PAX8: variants seen among roughly 807,000 people sequenced by gnomAD.
The protein encoded by PAX8 is paired box 8.
Under a neutral mutation model 52.4 loss-of-function variants are expected in PAX8, and 15 were observed. The observed-to-expected ratio is 0.29, with a 90% confidence interval of 0.19 to 0.44. PAX8 has a LOEUF of 0.44. PAX8 is among the 20% of genes least tolerant of loss of function. PAX8 has a pLI of 1.00. For missense variants in PAX8, 554 were observed against 602.5 expected (o/e 0.92, Z 0.84); for synonymous variants, 284 against 249.7 (o/e 1.14, Z -1.29).
At chr2:113,235,007 T>A (rs1380465692) in intron 9 of PAX8, among the ~76,000 whole-genome samples, 1 of 152,262 alleles carries the variant, frequency 6.6e-6, no homozygotes, top group Non-Finnish European at 1.5e-5. Flanking sequence ...ACCCTTGGCC[T>A]TTTTAGAAAT....
At position 113,220,108 on chromosome 2, in the gene PAX8, G is replaced by A. The variant is rs1162396070; in HGVS notation, c.1260C>T (p.Pro420=). ...GGGACTTACTCAGCAAGCTGGAGTT[G>A]GGGAAGCGCCAGGCCTCGCTGTAGG... ...YSSYSEAWRF[P]NSSLLSSPYY... is the part of the protein sequence containing the mutation. The change falls in exon 11 of 12, where the codon CCC becomes CCT. Residue 420 remains proline, a synonymous_variant. Coordinates refer to ENST00000429538, the MANE Select transcript of PAX8 (RefSeq NM_003466.4). 6.2e-7 allele frequency: 1 copy of A among 1,613,582 alleles called. No individual in the cohort carries two copies. The highest frequency in any genetic ancestry group is 1.1e-5 in the South Asian group (1 of 91,038).
rs370104682 is a variant in PAX8 at position 113,236,611 on chromosome 2, G to C, written c.888C>G (p.Pro296=). The C allele has an allele frequency of 2.5e-6, 4 of 1,582,592 alleles. No individual in the cohort carries two copies. The highest frequency in any genetic ancestry group is 3.4e-6 in the Non-Finnish European group (4 of 1,165,266). The change falls in exon 8 of 12, where the codon CCC becomes CCG. Residue 296 remains proline (P), a synonymous_variant. Coordinates refer to ENST00000429538, the MANE Select transcript of PAX8 (RefSeq NM_003466.4). Reference sequence around the variant, plus strand: ...CTCCGGGCGTTGTACCTGCCACCACGGGGTAGGTCTGGTGAGTCGAGAGGT... The same window carrying C: ...CTCCGGGCGTTGTACCTGCCACCACCGGGTAGGTCTGGTGAGTCGAGAGGT... The part of the protein sequence containing the change: ...GRNLSTHQTY[P]VVADPHSPFA...
At chr2:113,243,482 C>A (rs542929045) in intron 4 of PAX8, among the ~76,000 whole-genome samples, 80 of 152,250 alleles carry the variant, frequency 5.3e-4, no homozygotes, top group African/African-American at 1.8e-3. Flanking sequence ...ACCTCTGCCT[C>A]CCATGTTCAA....
chr2:113,255,148 A>G (rs543808263), intron 2 of PAX8, among the ~76,000 whole-genome samples: 18 of 136,942 alleles, frequency 1.3e-4, no homozygotes, highest in South Asian at 2.5e-4. Context: ...AAGGAAGGAA[A>G]GAAGGAAGGA....
chr2:113,233,456 C>T (rs914819492), intron 9 of PAX8, among the ~76,000 whole-genome samples: 3 of 151,862 alleles, frequency 2.0e-5, no homozygotes, highest in East Asian at 1.9e-4. Flanking sequence ...CCAAGGTGGG[C>T]GGACCAAGGT....
In PAX8 at chr2:113,278,855, A is replaced by G. The variant is rs976480465; in HGVS notation, c.-100T>C. The G allele has an allele frequency of 2.8e-6, 3 of 1,063,162 alleles. No homozygotes were observed. In the African/African-American group the frequency reaches 5.0e-5, roughly 18 times the overall value. The allele number at this position is 1,063,162 out of a possible 1,614,324, so 65.9% of individuals were successfully genotyped here. On this transcript the variant is annotated 5_prime_UTR_variant, in exon 1 of 12. Coordinates refer to ENST00000429538, the MANE Select transcript of PAX8 (RefSeq NM_003466.4). ...CCTGGCCGGCCGGCTGCAGGCCCTCACTGCTTGGGTCCGCCCGCGAGGGTG... is the reference window on the plus strand; with the variant it reads ...CCTGGCCGGCCGGCTGCAGGCCCTCGCTGCTTGGGTCCGCCCGCGAGGGTG...
chr2:113,235,700 G>A (rs1330808604), intron 8 of PAX8, 118 bp from the exon 9 acceptor site: 6 of 767,504 alleles, frequency 7.8e-6, no homozygotes, highest in Non-Finnish European at 1.2e-5. Flanking sequence ...AGGCTCAGCT[G>A]CCCTCAGAGT....
intron 2 of PAX8, among the ~76,000 whole-genome samples, chr2:113,264,854 T>TGAATG (rs1356664685): frequency 2.0e-5 from 3 of 152,100 alleles, no homozygotes; most frequent in African/African-American, 7.2e-5. Flanking sequence ...GTAGCTGCAT[T>TGAATG]GAATGGGCAG....
chr2:113,241,003 G>A, intron 7 of PAX8: 1 of 199,116 alleles, frequency 5.0e-6, no homozygotes, highest in South Asian at 9.1e-5. Flanking sequence ...AGAGGGTGAT[G>A]TTTGGCTGAG....
rs901775352 is a variant in PAX8, at chr2:113,278,429, G to C, written c.-35C>G. The C allele has an allele frequency of 1.4e-5, 23 of 1,609,914 alleles. No individual in the cohort carries two copies. Among genetic ancestry groups the C allele is most frequent in the South Asian group, 2.2e-5 (2 of 90,802 alleles). On this transcript the variant is annotated 5_prime_UTR_variant, in exon 2 of 12. Transcript: ENST00000429538. ...GTCGCTCGCAGCCCGCCGAGGGCTC[G>C]GGGCTTCCTCCCGTAGGTCCGGGCC... is the stretch of plus-strand genomic sequence containing the variant.
chr2:113,251,860 T>C (rs571313581), intron 2 of PAX8, among the ~76,000 whole-genome samples: 198 of 152,348 alleles, frequency 1.3e-3, no homozygotes, highest in African/African-American at 4.5e-3. Flanking sequence ...TAGCACTGAC[T>C]GCATTGAACA....
chr2:113,256,549 T>C (rs1692261665), intron 2 of PAX8, among the ~76,000 whole-genome samples: 2 of 151,994 alleles, frequency 1.3e-5, no homozygotes, highest in South Asian at 4.1e-4. Context: ...CATTTATCAG[T>C]CCCTCATATA....
rs758028387 is a variant in PAX8, at chr2:113,218,563, G to A, written c.1323C>T (p.Pro441=). 2 of 1,559,056 alleles carry A rather than the reference G, an allele frequency of 1.3e-6. No homozygotes were observed. Among genetic ancestry groups the A allele is most frequent in the African/African-American group, 1.4e-5 (1 of 73,446 alleles). The change falls in exon 12 of 12, where the codon CCC becomes CCT. Residue 441 remains proline, a synonymous_variant. Coordinates refer to ENST00000429538, the MANE Select transcript of PAX8 (RefSeq NM_003466.4). ...GATGGTCAAAGGCCGTGGCAGTGGT[G>A]GGCGGTGCACTCGGCCTTGATGTGG... ...YSSTSRPSAP[P]TTATAFDHL
chr2:113,238,725 A>C (rs1690568959), intron 7 of PAX8: 1 of 152,160 alleles, frequency 6.6e-6, no homozygotes, highest in Non-Finnish European at 1.5e-5. Context: ...TCTGAACCTT[A>C]ATTTTCTCAC....
chr2:113,260,466 G>A (rs1221487531), intron 2 of PAX8, among the ~76,000 whole-genome samples: 4 of 149,140 alleles, frequency 2.7e-5, no homozygotes, highest in African/African-American at 9.8e-5. Context: ...TGAGTTTAGT[G>A]GGCACTGATT....
At chr2:113,255,145 G>T (rs932240270) in intron 2 of PAX8, among the ~76,000 whole-genome samples, 4 of 146,350 alleles carry the variant, frequency 2.7e-5, no homozygotes, top group South Asian at 2.2e-4. Flanking sequence ...AGGAAGGAAG[G>T]AAAGAAGGAA....
chr2:113,244,231 C>G (rs533866296), intron 4 of PAX8, among the ~76,000 whole-genome samples, 196 bp downstream of exon 4: 2 of 152,148 alleles, frequency 1.3e-5, no homozygotes, highest in South Asian at 4.2e-4. Context: ...GGAGGGTGCC[C>G]CATAGCATGG....
At chr2:113,259,368 T>G (rs1400854360) in intron 2 of PAX8, 2 of 152,968 alleles carry the variant, frequency 1.3e-5, no homozygotes, top group African/African-American at 4.8e-5. Context: ...AGAAGCAACC[T>G]TCCAGAACCT....
At chr2:113,267,745 G>A (rs867391805) in intron 2 of PAX8, 1 of 152,178 alleles carries the variant, frequency 6.6e-6, no homozygotes, top group Admixed American at 6.5e-5. Flanking sequence ...GCCTTCTCTG[G>A]TCTTTTTAAA....
Sources: allele counts gnomAD v4.1 joint callset (sites outside exome capture counted in the v4.1 genomes callset), GRCh38; gene constraint gnomAD v4.1.1; transcripts MANE v1.5; gene names NCBI Gene and HGNC (gene_info 2026-07-23, HGNC 2026-07-21).